The following SLC26A5 variants were observed in gnomAD, a reference collection of about 807,000 sequenced individuals.
SLC26A5 encodes the protein prestin.
Under a neutral mutation model 81.0 loss-of-function variants are expected in SLC26A5, and 51 were observed. That is an observed-to-expected ratio of 0.63 (90% CI 0.50 to 0.80). SLC26A5 has a LOEUF of 0.80. Ranked by LOEUF, SLC26A5 falls within the 30% of genes least tolerant of loss-of-function variation. The pLI, the probability that SLC26A5 is intolerant of heterozygous loss-of-function variation, is 0.00. For synonymous variants in SLC26A5, 325 were observed against 332.8 expected (o/e 0.98, Z 0.25); for missense variants, 771 against 905.8 (o/e 0.85, Z 1.91).
chr7:103,379,398 C>T lies in SLC26A5; in HGVS notation c.1585-63G>A, dbSNP rs1373908431. 4 of 1,047,372 alleles carry T rather than the reference C, an allele frequency of 3.8e-6. No homozygotes were observed. The African/African-American group carries it at 6.3e-5, about 17-fold the overall frequency. 64.9% of individuals were successfully genotyped at this position (1,047,372 alleles called of 1,614,324 possible). A position where few individuals can be genotyped will look rare whatever the true frequency, so the allele number is the denominator to read the frequency against. On this transcript the variant is annotated intron_variant, in intron 15 of 19. Coordinates refer to ENST00000306312, the MANE Select transcript of SLC26A5 (RefSeq NM_198999.3). ...ATATTTCAGAATCAAAACTGCATAG[C>T]TTCCCCACCCCAAATAGAAAATGAA...
chr7:103,381,370 A>C (rs1047597592), intron 14 of SLC26A5, among the ~76,000 whole-genome samples: 12 of 151,350 alleles, frequency 7.9e-5, no homozygotes, highest in Admixed American at 2.6e-4. Context: ...CCCACATATC[A>C]CATACATACA....
chr7:103,378,813 A>G (rs1821554676), intron 16 of SLC26A5, among the ~76,000 whole-genome samples: 1 of 152,160 alleles, frequency 6.6e-6, no homozygotes, highest in Non-Finnish European at 1.5e-5. Context: ...TCAAGTTCAG[A>G]TCTGTCAGGT....
chr7:103,398,372 G>T (rs975325670), intron 8 of SLC26A5, among the ~76,000 whole-genome samples: 4 of 152,152 alleles, frequency 2.6e-5, no homozygotes, highest in African/African-American at 9.7e-5. Context: ...ATGAATAAAG[G>T]ATATTTAACT....
intron 19 of SLC26A5, chr7:103,354,040 T>A: frequency 8.9e-7 from 1 of 1,125,984 alleles, no homozygotes; most frequent in Non-Finnish European, 1.3e-6. Context: ...CCAAAATAAT[T>A]AGAAGAAGTT....
In SLC26A5 at chr7:103,355,678, A is replaced by C. The variant is rs764475256; in HGVS notation, c.2042-2752T>G. 3 of 1,596,230 alleles carry C rather than the reference A, an allele frequency of 1.9e-6. No homozygotes were observed. The African/African-American group carries it at 4.0e-5, about 21-fold the overall frequency. ...GCATTACATTTTAGTAAATTTTGTCATCTTTCTCTATGTAGGTATTAAAGA... is the reference window on the plus strand; with the variant it reads ...GCATTACATTTTAGTAAATTTTGTCCTCTTTCTCTATGTAGGTATTAAAGA... On this transcript the variant is annotated intron_variant, in intron 19 of 19. Transcript: ENST00000339444.
intron 2 of SLC26A5, among the ~76,000 whole-genome samples, chr7:103,439,112 T>C (rs1826678025): frequency 6.6e-6 from 1 of 152,168 alleles, no homozygotes; most frequent in South Asian, 2.1e-4. Context: ...CCTGACAGTT[T>C]TTATTCTTTA....
chr7:103,415,447 A>G (rs1824829619), intron 4 of SLC26A5, among the ~76,000 whole-genome samples: 1 of 151,934 alleles, frequency 6.6e-6, no homozygotes, highest in Admixed American at 6.6e-5. Flanking sequence ...CTGGCAGGAG[A>G]CATTTGGGGA....
chr7:103,395,521 A>ACATAT (rs371680455), intron 9 of SLC26A5, among the ~76,000 whole-genome samples: 2 of 16,898 alleles, frequency 1.2e-4, no homozygotes, highest in African/African-American at 4.0e-4. Flanking sequence ...ATATATATAT[A>ACATAT]AATTTTTTTT....
At chr7:103,365,978 G>C in intron 19 of SLC26A5, 2 of 956,300 alleles carry the variant, frequency 2.1e-6, no homozygotes, top group Non-Finnish European at 3.2e-6. Flanking sequence ...TGAGAATACT[G>C]TTAGGAATAA....
At chr7:103,380,436 A>T (rs1157405352) in intron 15 of SLC26A5, 44 bp downstream of exon 15, 9 of 1,518,638 alleles carry the variant, frequency 5.9e-6, no homozygotes, top group Middle Eastern at 1.7e-4. Flanking sequence ...AGCCAAGCAC[A>T]TCACATGCTT....
At chr7:103,398,066 G>T in intron 8 of SLC26A5, 52 bp from the exon 9 acceptor site, 2 of 1,308,038 alleles carry the variant, frequency 1.5e-6, no homozygotes, top group Non-Finnish European at 2.2e-6. Flanking sequence ...TTCAAATACT[G>T]CAAAAATCAG....
chr7:103,420,180 A>G lies in SLC26A5; in HGVS notation c.292+558T>C, dbSNP rs778507160. 2.8e-4 allele frequency among the ~76,000 whole-genome samples: 42 copies of G among 152,148 alleles called. 1 individual carries two copies. The highest frequency in any genetic ancestry group is 5.4e-4 in the Non-Finnish European group (37 of 68,020). On this transcript the variant is annotated intron_variant, in intron 4 of 19. Transcript: ENST00000306312. ...CACAAACCTTAACAACAACCATAAC[A>G]ACAAAATGTTTCTTGAGTGACTGAC...
At chr7:103,378,221 T>C (rs996435511) in intron 17 of SLC26A5, among the ~76,000 whole-genome samples, 42 of 152,198 alleles carry the variant, frequency 2.8e-4, no homozygotes, top group African/African-American at 9.9e-4. Context: ...TGTTAAGGTA[T>C]TGTGTAATTT....
At chr7:103,374,614 A>G (rs368912321) in intron 19 of SLC26A5, 22 bp from the exon 20 acceptor site, 68 of 1,610,588 alleles carry the variant, frequency 4.2e-5, no homozygotes, top group Non-Finnish European at 5.4e-5. Flanking sequence ...AGAAAAGAAA[A>G]TTAGTCCACA....
intron 14 of SLC26A5, among the ~76,000 whole-genome samples, chr7:103,381,372 A>C (rs906383027): frequency 6.6e-6 from 1 of 151,302 alleles, no homozygotes; most frequent in Admixed American, 6.6e-5. Flanking sequence ...CACATATCAC[A>C]TACATACACA....
At chr7:103,409,522 A>G (rs995709126) in intron 7 of SLC26A5, among the ~76,000 whole-genome samples, 6 of 152,098 alleles carry the variant, frequency 3.9e-5, no homozygotes, top group African/African-American at 1.4e-4. Context: ...AAAACATTGA[A>G]TTTTTAGAAT....
intron 14 of SLC26A5, among the ~76,000 whole-genome samples, chr7:103,385,699 TTTC>T (rs200218283): frequency 0.016 from 2,322 of 147,252 alleles, 74 homozygotes; most frequent in African/African-American, 0.058. Context: ...TTTCTTTTCT[TTTC>T]TTTTTTTTTT....
At chr7:103,364,136 A>G (rs746224068) in intron 19 of SLC26A5, 1 of 1,612,518 alleles carries the variant, frequency 6.2e-7, no homozygotes, top group Non-Finnish European at 8.5e-7. Context: ...TTGTGTCTCT[A>G]TCACAGCCAG....
At chr7:103,362,153 T>G in intron 19 of SLC26A5, 1 of 1,599,578 alleles carries the variant, frequency 6.3e-7, no homozygotes, top group South Asian at 1.1e-5. Context: ...ATTCATATCC[T>G]TGGCTTTGTA....
Sources: gnomAD v4.1 joint callset for allele counts (sites outside exome capture counted in the v4.1 genomes callset) on GRCh38, gnomAD v4.1.1 for gene constraint, MANE v1.5 for transcripts, NCBI Gene and HGNC (gene_info 2026-07-23, HGNC 2026-07-21) for gene names.